The following ADAMTSL1 variants were observed in gnomAD, a reference collection of about 807,000 sequenced individuals.
ADAMTSL1 encodes the protein ADAMTS like 1.
A neutral mutation model predicts 201.8 loss-of-function variants in ADAMTSL1; 126 were observed. The observed-to-expected ratio is 0.62, with a 90% CI of 0.54 to 0.72. The LOEUF (loss-of-function observed/expected upper bound fraction) is 0.72. Among genes scored for constraint, ADAMTSL1 ranks in the 30% least tolerant of loss-of-function variants. The pLI, the probability that ADAMTSL1 is intolerant of heterozygous loss-of-function variation, is 0.00. For missense variants in ADAMTSL1, 2,679 were observed against 2,277.8 expected, an observed-to-expected ratio of 1.18 and a Z score of -3.59; for synonymous variants, 1,121 against 903.4, an observed-to-expected ratio of 1.24 and a Z score of -4.32.
At chr9:18,588,894 TATATATATAC>T (rs1823719903) in intron 4 of ADAMTSL1, among the ~76,000 whole-genome samples, 1 of 117,476 alleles carries the variant, frequency 8.5e-6, no homozygotes. Flanking sequence ...CATATATATA[TATATATATAC>T]ATATATATAC....
At chr9:18,890,388 TCCTCTGTCC>T (rs1428528534) in intron 25 of ADAMTSL1, among the ~76,000 whole-genome samples, 1 of 152,188 alleles carries the variant, frequency 6.6e-6, no homozygotes, top group African/African-American at 2.4e-5. Flanking sequence ...GTGCACCTCA[TCCTCTGTCC>T]TCAGCAGTAG....
chr9:18,196,090 C>T (rs537128361), intron 2 of ADAMTSL1, among the ~76,000 whole-genome samples: 4 of 152,184 alleles, frequency 2.6e-5, no homozygotes, highest in Admixed American at 2.6e-4. Context: ...TGTAACACAG[C>T]TTCATTCCAG....
At chr9:18,721,416 C>T in intron 14 of ADAMTSL1, 120 bp from the exon 15 acceptor site, 22 of 1,380,848 alleles carry the variant, frequency 1.6e-5, no homozygotes, top group Non-Finnish European at 2.2e-5. Flanking sequence ...CCATCTCTGA[C>T]ATACAGCGAG....
chr9:17,989,103 A>C (rs1357067395), intron 1 of ADAMTSL1, among the ~76,000 whole-genome samples: 1 of 151,900 alleles, frequency 6.6e-6, no homozygotes, highest in Non-Finnish European at 1.5e-5. Context: ...AACTACTTTA[A>C]TTTTAAATTT....
chr9:18,634,835 CA>C (rs201005171), intron 5 of ADAMTSL1, among the ~76,000 whole-genome samples: 136 of 66,328 alleles, frequency 2.1e-3, no homozygotes, highest in Middle Eastern at 0.01. Flanking sequence ...CGAGATTCCT[CA>C]AAAAAAAAAA....
intron 1 of ADAMTSL1, among the ~76,000 whole-genome samples, chr9:18,061,938 A>G (rs10810895): frequency 0.38 from 57,570 of 152,068 alleles, 12,282 homozygotes; most frequent in South Asian, 0.52. Context: ...CTGAAGATCA[A>G]CAAAAGACCA....
chr9:18,486,550 C>A (rs1273338725), intron 1 of ADAMTSL1, among the ~76,000 whole-genome samples: 1 of 152,158 alleles, frequency 6.6e-6, no homozygotes, highest in Non-Finnish European at 1.5e-5. Context: ...AGAAAAAATG[C>A]AAAAATTGGA....
Position 18,753,335 on chromosome 9 carries a change from T to C in ADAMTSL1, c.2044T>C (p.Cys682Arg), listed in dbSNP as rs750429936. 8.7e-6 allele frequency: 14 copies of C among 1,612,520 alleles called. No homozygotes were observed. In the Middle Eastern group the frequency reaches 5.0e-4, roughly 57 times the overall value. Residue 682 changes from cysteine to arginine, a missense_variant, in exon 16 of 29, where the codon TGT (cysteine) becomes CGT (arginine). By Grantham distance (180) the Cys-to-Arg change is radical. Coordinates refer to ENST00000380548, the MANE Select transcript of ADAMTSL1 (RefSeq NM_001040272.6). The part of the protein sequence containing the change: ...IGKWSPCSLT[C>R]GVGLQTRDVF... ...CAAGTGGAGTCCATGTAGTCTCACA[T>C]GTGGGGTCGGCCTACAGACCAGAGA...
At chr9:18,351,354 T>C (rs1045603188) in intron 2 of ADAMTSL1, among the ~76,000 whole-genome samples, 12 of 152,076 alleles carry the variant, frequency 7.9e-5, no homozygotes, top group Non-Finnish European at 1.6e-4. Flanking sequence ...TGCATGGTGA[T>C]AGTTTTCTCA....
At chr9:18,658,975 A>C (rs1225278738) in intron 8 of ADAMTSL1, among the ~76,000 whole-genome samples, 1 of 152,234 alleles carries the variant, frequency 6.6e-6, no homozygotes, top group Non-Finnish European at 1.5e-5. Context: ...GAAGGATAAC[A>C]ATCAGTGTGT....
intron 23 of ADAMTSL1, among the ~76,000 whole-genome samples, chr9:18,864,041 C>G (rs1347013389): frequency 6.6e-6 from 1 of 152,148 alleles, no homozygotes; most frequent in Non-Finnish European, 1.5e-5. Flanking sequence ...AGTAATAATG[C>G]CACATCTTTC....
chr9:18,538,622 A>G (rs1199159449), intron 3 of ADAMTSL1, among the ~76,000 whole-genome samples: 3 of 152,188 alleles, frequency 2.0e-5, no homozygotes, highest in Non-Finnish European at 4.4e-5. Flanking sequence ...AAGAGAGTCA[A>G]TGTGGAGAGT....
intron 1 of ADAMTSL1, among the ~76,000 whole-genome samples, chr9:18,145,172 A>G (rs887693586): frequency 2.0e-5 from 3 of 152,200 alleles, no homozygotes; most frequent in African/African-American, 7.2e-5. Context: ...ACTGTTGAGG[A>G]TAGAAAACTT....
intron 7 of ADAMTSL1, among the ~76,000 whole-genome samples, chr9:18,656,642 A>G (rs1208157857): frequency 6.6e-6 from 1 of 151,716 alleles, no homozygotes; most frequent in Non-Finnish European, 1.5e-5. Flanking sequence ...AAAAAAAAAA[A>G]AAAGAAAATG....
At chr9:18,131,078 T>C (rs10963465) in intron 1 of ADAMTSL1, among the ~76,000 whole-genome samples, 66,124 of 151,974 alleles carry the variant, frequency 0.44, 15,845 homozygotes, top group Non-Finnish European at 0.54. Context: ...TATGGCTCAA[T>C]CTCTGCCATC....
chr9:18,131,483 A>T (rs987864568), intron 1 of ADAMTSL1, among the ~76,000 whole-genome samples: 1 of 152,154 alleles, frequency 6.6e-6, no homozygotes. Flanking sequence ...GTCTCGTATG[A>T]TGAGGGCATC....
chr9:18,284,016 A>C (rs562054159), intron 2 of ADAMTSL1, among the ~76,000 whole-genome samples: 8 of 151,364 alleles, frequency 5.3e-5, no homozygotes, highest in Admixed American at 2.6e-4. Context: ...AGATCACCTG[A>C]AGTCAGCAGT....
chr9:18,776,122 G>A (rs745696652), intron 18 of ADAMTSL1, among the ~76,000 whole-genome samples: 1 of 152,178 alleles, frequency 6.6e-6, no homozygotes, highest in Non-Finnish European at 1.5e-5. Context: ...AGTTTGCAGG[G>A]GGGTAGAGCA....
At chr9:18,199,222 C>T (rs918998361) in intron 2 of ADAMTSL1, among the ~76,000 whole-genome samples, 4 of 151,680 alleles carry the variant, frequency 2.6e-5, no homozygotes, top group Non-Finnish European at 5.9e-5. Context: ...AACTAACCTG[C>T]ACAATGTGCA....
Sources: gnomAD v4.1 joint callset for allele counts (sites outside exome capture counted in the v4.1 genomes callset) on GRCh38, gnomAD v4.1.1 for gene constraint, MANE v1.5 for transcripts, NCBI Gene and HGNC (gene_info 2026-07-23, HGNC 2026-07-21) for gene names.